The following FBXW11 variants were observed in gnomAD, a reference collection of about 807,000 sequenced individuals.
FBXW11 encodes the protein F-box/WD repeat-containing protein 11.
A neutral mutation model predicts 77.6 loss-of-function variants in FBXW11; 19 were observed. The observed-to-expected ratio is 0.24, with a 90% confidence interval of 0.17 to 0.36. FBXW11 has a LOEUF of 0.36. Among genes scored for constraint, FBXW11 ranks in the 10% least tolerant of loss-of-function variants. FBXW11 has a pLI of 1.00. For synonymous variants in FBXW11, 235 were observed against 249.4 expected (o/e 0.94, Z 0.54); for missense variants, 334 against 704.2 (o/e 0.47, Z 5.95).
intron 6 of FBXW11, among the ~76,000 whole-genome samples, chr5:171,897,953 G>A (rs1334549064): frequency 6.6e-6 from 1 of 152,006 alleles, no homozygotes; most frequent in Non-Finnish European, 1.5e-5. Flanking sequence ...AACTGCCAAT[G>A]GTCAATTAAT....
At chr5:171,989,536 A>G (rs545397635) in intron 1 of FBXW11, among the ~76,000 whole-genome samples, 2 of 152,380 alleles carry the variant, frequency 1.3e-5, no homozygotes, top group South Asian at 4.1e-4. Context: ...GAAGTAGAGG[A>G]GCTAGAGAAA....
chr5:171,871,039 T>C (rs1488304244), intron 10 of FBXW11, among the ~76,000 whole-genome samples, 181 bp from the exon 11 acceptor site: 2 of 152,246 alleles, frequency 1.3e-5, no homozygotes, highest in Non-Finnish European at 2.9e-5. Flanking sequence ...ATACCATCTG[T>C]GTGTTTCCAA....
At position 172,006,439 on chromosome 5, in the gene FBXW11, T is replaced by C. The variant is rs1382691891; in HGVS notation, c.45+19A>G. ...GCCGGACGGACGGAAGCACAGACGG[T>C]CCAGCGGGCCGCACTCACCATGAGC... On this transcript the variant is annotated intron_variant, in intron 1 of 13. Transcript: ENST00000517395. The C allele has an allele frequency of 1.3e-6, 2 of 1,541,172 alleles. No homozygotes were observed. Among genetic ancestry groups the C allele is most frequent in the Non-Finnish European group, 1.8e-6 (2 of 1,142,314 alleles).
intron 1 of FBXW11, among the ~76,000 whole-genome samples, chr5:172,003,980 A>T (rs140087404): frequency 1.3e-5 from 2 of 152,376 alleles, no homozygotes; most frequent in African/African-American, 4.8e-5. Context: ...AAGCTGACTC[A>T]TAAAAATCTA....
intron 1 of FBXW11, among the ~76,000 whole-genome samples, chr5:171,984,277 T>G (rs982714431): frequency 9.9e-5 from 15 of 152,240 alleles, no homozygotes; most frequent in African/African-American, 3.4e-4. Flanking sequence ...AAAAATTCAT[T>G]GAGCTGTACA....
At chr5:171,949,355 T>C (rs1197508915) in intron 2 of FBXW11, among the ~76,000 whole-genome samples, 3 of 152,170 alleles carry the variant, frequency 2.0e-5, no homozygotes, top group African/African-American at 4.8e-5. Flanking sequence ...AGACAACTGA[T>C]AGGTCATTCA....
chr5:171,889,491 G>A (rs1159301327), intron 7 of FBXW11, among the ~76,000 whole-genome samples: 3 of 139,452 alleles, frequency 2.2e-5, no homozygotes, highest in Non-Finnish European at 4.5e-5. Context: ...TCATGCCACT[G>A]CACTCCAGCC....
chr5:171,941,371 C>T (rs1040553226), intron 2 of FBXW11, among the ~76,000 whole-genome samples: 13 of 151,966 alleles, frequency 8.6e-5, no homozygotes, highest in Admixed American at 8.5e-4. Context: ...GTGGAAGTCC[C>T]GCAAAGACCA....
intron 2 of FBXW11, among the ~76,000 whole-genome samples, chr5:171,917,435 A>T (rs1332802068): frequency 1.3e-5 from 2 of 152,204 alleles, no homozygotes; most frequent in Non-Finnish European, 2.9e-5. Flanking sequence ...ATGTTTACTT[A>T]TATGGTTGAT....
chr5:171,969,116 A>G (rs910740180), intron 1 of FBXW11, among the ~76,000 whole-genome samples: 1 of 151,808 alleles, frequency 6.6e-6, no homozygotes, highest in Non-Finnish European at 1.5e-5. Flanking sequence ...AAAAAAACAA[A>G]AATTAGCCAG....
chr5:171,928,884 C>A (rs1249937015), intron 2 of FBXW11, among the ~76,000 whole-genome samples: 1 of 151,934 alleles, frequency 6.6e-6, no homozygotes, highest in African/African-American at 2.4e-5. Flanking sequence ...ACCAGCCTGG[C>A]CAATGCAGTC....
At chr5:172,004,230 T>C (rs183307439) in intron 1 of FBXW11, among the ~76,000 whole-genome samples, 1 of 152,360 alleles carries the variant, frequency 6.6e-6, no homozygotes, top group African/African-American at 2.4e-5. Flanking sequence ...CTAAAATAAA[T>C]ACACATATTT....
intron 2 of FBXW11, among the ~76,000 whole-genome samples, chr5:171,937,516 G>C (rs1030964419): frequency 1.3e-5 from 2 of 152,158 alleles, no homozygotes; most frequent in African/African-American, 4.8e-5. Flanking sequence ...GAGTGTGGCT[G>C]TGCTCCAATA....
At chr5:171,929,503 G>A (rs1762053417) in intron 2 of FBXW11, among the ~76,000 whole-genome samples, 2 of 152,096 alleles carry the variant, frequency 1.3e-5, no homozygotes, top group African/African-American at 4.8e-5. Context: ...ATAACAAAAA[G>A]AATGTAGATG....
intron 1 of FBXW11, among the ~76,000 whole-genome samples, chr5:171,972,316 AAAATAAAT>A (rs35891894): frequency 0.068 from 9,086 of 134,578 alleles, 772 homozygotes; most frequent in African/African-American, 0.21. Context: ...CGTCTCTACA[AAAATAAAT>A]AAATAAATAA....
intron 6 of FBXW11, among the ~76,000 whole-genome samples, chr5:171,895,191 G>A (rs1423027520): frequency 6.6e-6 from 1 of 152,124 alleles, no homozygotes; most frequent in Non-Finnish European, 1.5e-5. Context: ...GGCTACTGTA[G>A]AGGAATATTT....
At chr5:171,948,160 G>A (rs761639543) in intron 2 of FBXW11, among the ~76,000 whole-genome samples, 51 of 149,898 alleles carry the variant, frequency 3.4e-4, no homozygotes, top group Non-Finnish European at 6.4e-4. Flanking sequence ...GCTTGAATCC[G>A]GGAGGCAGAG....
At chr5:171,950,620 TCATGCCTGTAATCC>T (rs1763259787) in intron 2 of FBXW11, among the ~76,000 whole-genome samples, 1 of 152,176 alleles carries the variant, frequency 6.6e-6, no homozygotes, top group South Asian at 2.1e-4. Flanking sequence ...GTGCGGTGGC[TCATGCCTGTAATCC>T]CAGCACTTTG....
intron 2 of FBXW11, among the ~76,000 whole-genome samples, chr5:171,920,636 C>T (rs1036913734): frequency 6.6e-6 from 1 of 151,760 alleles, no homozygotes. Flanking sequence ...AAGTTTGAGG[C>T]TTCAATAAGC....
Sources: gnomAD v4.1 joint callset for allele counts (sites outside exome capture counted in the v4.1 genomes callset) on GRCh38, gnomAD v4.1.1 for gene constraint, MANE v1.5 for transcripts, NCBI Gene and HGNC (gene_info 2026-07-23, HGNC 2026-07-21) for gene names.